The following CCNL2 variants were observed in gnomAD, a reference collection of about 807,000 sequenced individuals.
CCNL2 encodes the protein cyclin L2.
CCNL2 carries 28 observed loss-of-function variants against 59.1 expected under a neutral mutation model. The observed-to-expected ratio is 0.47, with a 90% CI of 0.35 to 0.65. CCNL2 has a LOEUF of 0.65. Among genes scored for constraint, CCNL2 ranks in the 30% least tolerant of loss-of-function variants. CCNL2 has a pLI of 0.00. For missense variants in CCNL2, 714 were observed against 717.4 expected (o/e 1.00, Z 0.05); for synonymous variants, 342 against 288.6 (o/e 1.19, Z -1.88).
At chr1:1,391,594 A>G (rs909092933) in intron 5 of CCNL2, 1 of 1,297,222 alleles carries the variant, frequency 7.7e-7, no homozygotes, top group Non-Finnish European at 1.0e-6. Context: ...GAACATTCAT[A>G]GAATCAGAAG....
intron 3 of CCNL2, among the ~76,000 whole-genome samples, chr1:1,395,763 G>A (rs1212093427): frequency 6.6e-6 from 1 of 152,152 alleles, no homozygotes. Context: ...CACAAGCATA[G>A]ACCGAACATA....
chr1:1,391,829 G>A, intron 5 of CCNL2: 2 of 296,246 alleles, frequency 6.8e-6, no homozygotes, highest in South Asian at 5.6e-5. Context: ...TATGAATACT[G>A]CAAAAACAGA....
chr1:1,395,620 A>G, intron 3 of CCNL2, 106 bp from the exon 4 acceptor site: 2 of 1,479,548 alleles, frequency 1.4e-6, no homozygotes, highest in Non-Finnish European at 1.8e-6. Context: ...ACCCCACAAC[A>G]CAACATCGCT....
chr1:1,390,801 A>AG lies in CCNL2; in HGVS notation c.723dup (p.Cys242LeufsTer29). ...CGGGCAGCAAGATAAATGCAGGCAC[A>AG]GGCGATGCTCTCTGGCTGGAACCGC... On this transcript the variant is annotated frameshift_variant, in exon 6 of 11. Coordinates refer to ENST00000400809, the MANE Select transcript of CCNL2 (RefSeq NM_030937.6). LOFTEE classifies it high-confidence loss of function. 6.2e-7 allele frequency: 1 copy of AG among 1,614,200 alleles called. No homozygotes were observed. The highest frequency in any genetic ancestry group is 8.5e-7 in the Non-Finnish European group (1 of 1,180,016).
chr1:1,395,952 A>C (rs564476371), intron 3 of CCNL2, among the ~76,000 whole-genome samples: 1 of 148,710 alleles, frequency 6.7e-6, no homozygotes, highest in Non-Finnish European at 1.5e-5. Context: ...CGAGGCAGGC[A>C]GACTGCCTGA....
chr1:1,393,243 G>C, intron 5 of CCNL2, 153 bp downstream of exon 5: 1 of 674,684 alleles, frequency 1.5e-6, no homozygotes, highest in South Asian at 1.8e-5. Context: ...TTGGGAGTCT[G>C]ATTGGAATTT....
At chr1:1,398,170 A>T in intron 3 of CCNL2, 63 bp downstream of exon 3, 1 of 1,491,606 alleles carries the variant, frequency 6.7e-7, no homozygotes, top group Non-Finnish European at 9.3e-7. Context: ...GCCTTACTGT[A>T]ACTTAATCAG....
In CCNL2 at chr1:1,387,267, C is replaced by T; in HGVS notation, c.1527G>A (p.Glu509=). ...GCCTGCTGTGCCCAGGGTGGTCCCG[C>T]TCATAGCGACGGCCTGTGCGTTCAT... ...RSYERTGRRY[E]RDHPGHSRHR... Residue 509 remains glutamate (E), a synonymous_variant, in exon 11 of 11, where the codon GAG becomes GAA. Coordinates refer to ENST00000400809, the MANE Select transcript of CCNL2 (RefSeq NM_030937.6). 1 of 1,611,026 alleles carries T rather than the reference C, an allele frequency of 6.2e-7. No homozygotes were observed. The highest frequency in any genetic ancestry group is 8.5e-7 in the Non-Finnish European group (1 of 1,179,976).
chr1:1,398,604 G>A lies in CCNL2; in HGVS notation c.356C>T (p.Ser119Phe). The part of the protein sequence containing the change: ...FFYTKSFVKH[S>F]MEHVSMACVH... Reference sequence around the variant, plus strand: ...TGCAGGAGGAAGCCTTACCTCCATGGAGTGCTTCACGAAGGACTTGGTATA... The same window carrying A: ...TGCAGGAGGAAGCCTTACCTCCATGAAGTGCTTCACGAAGGACTTGGTATA... The change falls in exon 2 of 11, where the codon TCC becomes TTC. Residue 119 changes from serine to phenylalanine, a missense_variant. Transcript: ENST00000400809. The A allele has an allele frequency of 6.2e-7, 1 of 1,613,452 alleles. No individual in the cohort carries two copies. Among genetic ancestry groups the A allele is most frequent in the Non-Finnish European group, 8.5e-7 (1 of 1,179,502 alleles).
At chr1:1,392,880 G>A in intron 5 of CCNL2, 2 of 1,473,380 alleles carry the variant, frequency 1.4e-6, no homozygotes, top group Non-Finnish European at 1.9e-6. Flanking sequence ...AGACAATTCA[G>A]TCAGCAAAAA....
intron 2 of CCNL2, 44 bp downstream of exon 2, chr1:1,398,553 C>G: frequency 1.2e-6 from 2 of 1,601,168 alleles, no homozygotes; most frequent in African/African-American, 2.7e-5. Context: ...CCGTTTTACC[C>G]TCAACATACT....
chr1:1,398,898 G>A (rs2100371380), intron 1 of CCNL2, 121 bp downstream of exon 1: 6 of 1,428,692 alleles, frequency 4.2e-6, no homozygotes, highest in East Asian at 5.1e-5. Flanking sequence ...CGAGGCTGGG[G>A]TCGGGGCAGG....
intron 8 of CCNL2, 79 bp downstream of exon 8, chr1:1,390,151 T>TA: frequency 1.0e-6 from 1 of 994,434 alleles, no homozygotes; most frequent in South Asian, 1.6e-5. Flanking sequence ...AAGGAGCACA[T>TA]ACCCCAGAAT....
intron 5 of CCNL2, chr1:1,392,437 C>T: frequency 3.4e-6 from 4 of 1,178,298 alleles, no homozygotes; most frequent in Non-Finnish European, 4.2e-6. Flanking sequence ...ATGACATAAC[C>T]CCACACTGAC....
chr1:1,397,016 G>C (rs945038315), intron 3 of CCNL2, among the ~76,000 whole-genome samples: 5 of 152,148 alleles, frequency 3.3e-5, no homozygotes, highest in Non-Finnish European at 7.3e-5. Flanking sequence ...CAAAGTGCTG[G>C]GATTACAGGC....
intron 8 of CCNL2, 76 bp downstream of exon 8, chr1:1,390,154 C>A: frequency 1.4e-6 from 2 of 1,399,286 alleles, no homozygotes; most frequent in East Asian, 2.3e-5. Context: ...GAGCACATAC[C>A]CCAGAATGGA....
intron 3 of CCNL2, among the ~76,000 whole-genome samples, chr1:1,397,274 G>A (rs1418524297): frequency 2.0e-5 from 3 of 152,080 alleles, no homozygotes; most frequent in East Asian, 1.9e-4. Context: ...TACTATTCCA[G>A]GGCCATGAAG....
intron 5 of CCNL2, chr1:1,391,313 A>G: frequency 8.6e-7 from 1 of 1,157,770 alleles, no homozygotes; most frequent in South Asian, 1.8e-5. Context: ...GAACTGGCTG[A>G]GCACAAAGCC....
In CCNL2 at chr1:1,390,491, A is replaced by C. The variant is rs1644706933; in HGVS notation, c.832T>G (p.Leu278Val). Residue 278 changes from leucine to valine, a missense_variant, in exon 7 of 11, where the codon TTA (leucine) becomes GTA (valine). Around this residue, in one of 5 missense-constraint regions of CCNL2, gnomAD observed 403 missense variants for 377.7 expected, o/e 1.07. Transcript: ENST00000400809. ...CGAGCATAAAGCTGCAAGATCTTTA[A>C]GCAGATTTCCTGAATTTCTTCTTCA... is the stretch of plus-strand genomic sequence containing the variant. ...ATEEEIQEIC[L>V]KILQLYARKK... is the part of the protein sequence containing the mutation. 1 of 1,613,916 alleles carries C rather than the reference A, an allele frequency of 6.2e-7. No homozygotes were observed. The highest frequency in any genetic ancestry group is 1.1e-5 in the South Asian group (1 of 91,016).
Sources: gnomAD v4.1 joint callset for allele counts (sites outside exome capture counted in the v4.1 genomes callset) on GRCh38, gnomAD v4.1.1 for gene constraint, gnomAD v4.1.1 regional missense constraint, MANE v1.5 for transcripts, NCBI Gene and HGNC (gene_info 2026-07-23, HGNC 2026-07-21) for gene names.